Variants in GRK3 observed in about 807,000 individuals in gnomAD.
GRK3 encodes G protein-coupled receptor kinase 3.
A neutral mutation model predicts 95.7 loss-of-function variants in GRK3; 54 were observed. The ratio of observed to expected loss-of-function variants is 0.56; its 90% CI spans 0.45 to 0.71. The LOEUF is 0.71. GRK3 is among the 30% of genes least tolerant of loss of function. The pLI is 0.00. For synonymous variants in GRK3, 281 were observed against 290.8 expected (o/e 0.97, Z 0.34); for missense variants, 649 against 851.2 (o/e 0.76, Z 2.96).
At chr22:25,620,490 C>G (rs943345382) in intron 2 of GRK3, among the ~76,000 whole-genome samples, 1 of 152,164 alleles carries the variant, frequency 6.6e-6, no homozygotes, top group African/African-American at 2.4e-5. Flanking sequence ...CAGCCCGGCT[C>G]TAAGAGCAGG....
At chr22:25,623,116 A>AT (rs1042969352) in intron 2 of GRK3, among the ~76,000 whole-genome samples, 1 of 151,794 alleles carries the variant, frequency 6.6e-6, no homozygotes, top group African/African-American at 2.4e-5. Context: ...TAATTTTTGT[A>AT]TTTTTTGTAG....
At chr22:25,666,759 GT>G (rs1371291925) in intron 5 of GRK3, among the ~76,000 whole-genome samples, 1 of 151,832 alleles carries the variant, frequency 6.6e-6, no homozygotes, top group African/African-American at 2.4e-5. Context: ...CTTTTATTTT[GT>G]TTTGTAAACT....
intron 1 of GRK3, among the ~76,000 whole-genome samples, chr22:25,587,335 G>T (rs1932349052): frequency 6.6e-6 from 1 of 152,204 alleles, no homozygotes; most frequent in African/African-American, 2.4e-5. Context: ...CACAGCCATA[G>T]AACATAGTCT....
chr22:25,606,352 G>A (rs1250624546), intron 2 of GRK3, among the ~76,000 whole-genome samples: 1 of 152,176 alleles, frequency 6.6e-6, no homozygotes, highest in Non-Finnish European at 1.5e-5. Flanking sequence ...TAGGGAGAGC[G>A]CACACCACCA....
intron 2 of GRK3, among the ~76,000 whole-genome samples, chr22:25,615,065 G>C (rs1265749490): frequency 6.6e-6 from 1 of 152,144 alleles, no homozygotes; most frequent in Non-Finnish European, 1.5e-5. Context: ...AGAGCCTACT[G>C]GTCATTTTCC....
chr22:25,608,410 T>C (rs565064547), intron 2 of GRK3, among the ~76,000 whole-genome samples: 33 of 152,358 alleles, frequency 2.2e-4, no homozygotes, highest in African/African-American at 7.5e-4. Flanking sequence ...CTCGTGGTGT[T>C]GCCCCCATGC....
chr22:25,717,120 G>C (rs1201931660), intron 18 of GRK3, among the ~76,000 whole-genome samples: 1 of 152,150 alleles, frequency 6.6e-6, no homozygotes, highest in Non-Finnish European at 1.5e-5. Context: ...CATTTACACT[G>C]TATTAGGTAT....
chr22:25,619,618 G>A (rs1442411424), intron 2 of GRK3, among the ~76,000 whole-genome samples: 9 of 151,306 alleles, frequency 5.9e-5, no homozygotes, highest in Admixed American at 5.9e-4. Flanking sequence ...AGGGTAGCTA[G>A]GACTACAGGT....
intron 1 of GRK3, among the ~76,000 whole-genome samples, chr22:25,566,818 C>T (rs1364680726): frequency 6.6e-6 from 1 of 152,102 alleles, no homozygotes; most frequent in Non-Finnish European, 1.5e-5. Context: ...TCCTAGTGTC[C>T]CTCCACCACC....
intron 2 of GRK3, among the ~76,000 whole-genome samples, chr22:25,611,237 G>A (rs2084495029): frequency 6.6e-6 from 1 of 152,162 alleles, no homozygotes; most frequent in Non-Finnish European, 1.5e-5. Context: ...TTATAGAGCA[G>A]TTATTGCCAC....
chr22:25,683,431 A>G (rs918304653), intron 9 of GRK3, among the ~76,000 whole-genome samples: 2 of 152,248 alleles, frequency 1.3e-5, no homozygotes, highest in African/African-American at 4.8e-5. Flanking sequence ...AGTGACACTC[A>G]GCCTTGGTAG....
chr22:25,631,814 A>G (rs1178796542), intron 2 of GRK3, among the ~76,000 whole-genome samples: 5 of 152,140 alleles, frequency 3.3e-5, no homozygotes, highest in African/African-American at 9.7e-5. Context: ...CTTTTCCAGA[A>G]TGTCTTATAA....
chr22:25,700,415 G>A (rs773344216), intron 13 of GRK3, among the ~76,000 whole-genome samples: 2 of 152,162 alleles, frequency 1.3e-5, no homozygotes, highest in African/African-American at 2.4e-5. Context: ...TTGTCTCCCC[G>A]TGGAGTTGTC....
intron 3 of GRK3, chr22:25,647,482 G>A: frequency 2.2e-6 from 3 of 1,358,006 alleles, no homozygotes; most frequent in Non-Finnish European, 3.2e-6. Context: ...TTGGAGGTGG[G>A]CATCTTCCTC....
intron 3 of GRK3, among the ~76,000 whole-genome samples, chr22:25,652,042 A>G (rs765965962): frequency 3.9e-5 from 6 of 152,238 alleles, no homozygotes; most frequent in Non-Finnish European, 8.8e-5. Context: ...TAAAAAATGA[A>G]GTGATATAAG....
At chr22:25,615,995 G>C (rs2084534844) in intron 2 of GRK3, among the ~76,000 whole-genome samples, 1 of 148,522 alleles carries the variant, frequency 6.7e-6, no homozygotes, top group Non-Finnish European at 1.5e-5. Flanking sequence ...AGGCCAGGGG[G>C]CTGCAGGGCA....
At chr22:25,678,179 G>T (rs548273427) in intron 8 of GRK3, among the ~76,000 whole-genome samples, 1 of 152,184 alleles carries the variant, frequency 6.6e-6, no homozygotes, top group Non-Finnish European at 1.5e-5. Context: ...TGCTGGCCGG[G>T]CACGGTGGCT....
Position 25,654,600 on chromosome 22 carries a change from G to C in GRK3, c.265-6976G>C, listed in dbSNP as rs527525667. 4.6e-5 allele frequency among the ~76,000 whole-genome samples: 7 copies of C among 152,266 alleles called. No homozygotes were observed. The South Asian group carries it at 1.2e-3, about 27-fold the overall frequency. ...TTTACCTGGATACGTATCCCAGCTT[G>C]ATCTGTCATAAAAAATTTCTTTCTT... is the stretch of plus-strand genomic sequence containing the variant. On this transcript the variant is annotated intron_variant, in intron 3 of 20. Coordinates refer to ENST00000324198, the MANE Select transcript of GRK3 (RefSeq NM_005160.4).
At chr22:25,567,348 G>A (rs1452608911) in intron 1 of GRK3, among the ~76,000 whole-genome samples, 1 of 152,142 alleles carries the variant, frequency 6.6e-6, no homozygotes, top group African/African-American at 2.4e-5. Flanking sequence ...CACTCCTTGT[G>A]CTGTGTTAGG....
Sources: allele counts gnomAD v4.1 joint callset (sites outside exome capture counted in the v4.1 genomes callset), GRCh38; gene constraint gnomAD v4.1.1; transcripts MANE v1.5; gene names NCBI Gene and HGNC (gene_info 2026-07-23, HGNC 2026-07-21).